The following NDUFAF6 variants were observed in gnomAD, a reference collection of about 807,000 sequenced individuals.
NDUFAF6 encodes the protein NADH:ubiquinone oxidoreductase complex assembly factor 6, also known as NADH dehydrogenase (ubiquinone) complex I, assembly factor 6.
In NDUFAF6, 45 loss-of-function variants were observed where a neutral mutation model predicts 40.8. The observed-to-expected ratio is 1.10, with a 90% CI of 0.87 to 1.42. The LOEUF is 1.42. NDUFAF6 is among the 40% of genes most tolerant of loss of function. NDUFAF6 has a pLI of 0.00. For missense variants in NDUFAF6, 435 were observed against 418.5 expected, an observed-to-expected ratio of 1.04 and a Z score of -0.34; for synonymous variants, 185 against 155.9, an observed-to-expected ratio of 1.19 and a Z score of -1.39.
chr8:94,977,644 G>A (rs1428981692), intron 1 of NDUFAF6, among the ~76,000 whole-genome samples: 4 of 151,054 alleles, frequency 2.6e-5, no homozygotes, highest in Admixed American at 6.6e-5. Context: ...TTTTGCTTCC[G>A]CTTCTCCTGT....
At chr8:94,979,788 T>C (rs193199611) in intron 1 of NDUFAF6, among the ~76,000 whole-genome samples, 1 of 152,298 alleles carries the variant, frequency 6.6e-6, no homozygotes, top group East Asian at 1.9e-4. Context: ...AAACGAACTT[T>C]ATCCATAGAA....
At chr8:95,032,491 CAGT>C (rs1828972599) in intron 2 of NDUFAF6, among the ~76,000 whole-genome samples, 1 of 152,156 alleles carries the variant, frequency 6.6e-6, no homozygotes, top group South Asian at 2.1e-4. Flanking sequence ...GCTTTAATAT[CAGT>C]AGGGAATGAA....
chr8:95,053,373 T>TA (rs1481910287), intron 8 of NDUFAF6, among the ~76,000 whole-genome samples: 3 of 152,200 alleles, frequency 2.0e-5, no homozygotes, highest in Admixed American at 1.3e-4. Context: ...TGTATCACCC[T>TA]GTTTAGTGGT....
At chr8:95,053,612 C>CTTTTCTTTCT (rs1381452789) in intron 8 of NDUFAF6, among the ~76,000 whole-genome samples, 33 of 151,894 alleles carry the variant, frequency 2.2e-4, no homozygotes, top group African/African-American at 7.0e-4. Context: ...TCCCGTTTTA[C>CTTTTCTTTCT]TTTTCTTTCT....
intron 2 of NDUFAF6, among the ~76,000 whole-genome samples, chr8:95,009,009 C>T (rs1382297135): frequency 1.3e-5 from 2 of 151,756 alleles, no homozygotes; most frequent in Non-Finnish European, 2.9e-5. Flanking sequence ...CCAGCCTGAG[C>T]AATACAGAGA....
At chr8:94,955,211 G>C (rs147831674), upstream of NDUFAF6, among the ~76,000 whole-genome samples, 1 of 152,200 alleles carries the variant, frequency 6.6e-6, no homozygotes, top group African/African-American at 2.4e-5. Flanking sequence ...AGTTCATTTT[G>C]TGTTGCTATA....
chr8:94,970,497 A>C lies in NDUFAF6; in HGVS notation c.-198-10362A>C, dbSNP rs140930557. ...TCCCAGTGGCTCAGGAGGCTGAGGCAAGAGAATCTTTTGAATCTAGGAGTT... is the reference window on the plus strand; with the variant it reads ...TCCCAGTGGCTCAGGAGGCTGAGGCCAGAGAATCTTTTGAATCTAGGAGTT... On this transcript the variant is annotated intron_variant, in intron 1 of 9. Transcript: ENST00000396111. Among the ~76,000 whole-genome samples the C allele has an allele frequency of 3.6e-3, 543 of 152,244 alleles. 1 individual carries two copies. Among genetic ancestry groups the C allele is most frequent in the African/African-American group, 0.012 (490 of 41,538 alleles).
Position 95,006,812 on chromosome 8 carries a change from G to A in NDUFAF6, c.-83-25183G>A, listed in dbSNP as rs538631600. On this transcript the variant is annotated intron_variant, in intron 2 of 9. Coordinates refer to the NDUFAF6 transcript ENST00000396111. ...GGAGGTTGACTTGAGCCCAGGAGGC[G>A]GAGGAGGTTGCAATGAGCCGAGATC... 2.6e-3 allele frequency among the ~76,000 whole-genome samples: 395 copies of A among 152,092 alleles called. 4 individuals carry two copies. The highest frequency in any genetic ancestry group is 9.0e-3 in the African/African-American group (372 of 41,472).
intron 5 of NDUFAF6, 30 bp from the exon 6 acceptor site, chr8:95,046,964 A>G: frequency 6.2e-7 from 1 of 1,613,658 alleles, no homozygotes; most frequent in Non-Finnish European, 8.5e-7. Flanking sequence ...CTTAGAATAG[A>G]GCAGCCCTGT....
At chr8:94,992,525 A>G (rs571549476) in intron 2 of NDUFAF6, among the ~76,000 whole-genome samples, 1 of 152,312 alleles carries the variant, frequency 6.6e-6, no homozygotes, top group African/African-American at 2.4e-5. Flanking sequence ...AAGTTTACAT[A>G]TAGGTCTATA....
downstream of NDUFAF6, among the ~76,000 whole-genome samples, chr8:95,062,929 A>G (rs1372685297): frequency 1.3e-5 from 2 of 152,220 alleles, no homozygotes; most frequent in African/African-American, 4.8e-5. Context: ...TGTGAAGTAC[A>G]AACTGGATAT....
chr8:95,054,510 C>T (rs1276913203), intron 8 of NDUFAF6, among the ~76,000 whole-genome samples: 1 of 151,268 alleles, frequency 6.6e-6, no homozygotes, highest in Non-Finnish European at 1.5e-5. Context: ...TCTCGGCTCA[C>T]TGCAGCCTCT....
chr8:94,991,795 C>CT (rs1826203429), intron 2 of NDUFAF6, among the ~76,000 whole-genome samples: 3 of 111,090 alleles, frequency 2.7e-5, no homozygotes, highest in African/African-American at 7.1e-5. Flanking sequence ...CCTCATTCTT[C>CT]GCCCCCCCCC....
intron 3 of NDUFAF6, 144 bp from the exon 4 acceptor site, chr8:95,041,426 C>T: frequency 1.7e-6 from 1 of 598,906 alleles, no homozygotes. Context: ...TTCCCTGATA[C>T]TTCTTTAACA....
downstream of NDUFAF6, among the ~76,000 whole-genome samples, chr8:95,077,559 A>G (rs1808672094): frequency 6.6e-6 from 1 of 152,216 alleles, no homozygotes; most frequent in African/African-American, 2.4e-5. Flanking sequence ...AACAGCATGC[A>G]ATTTAAAACT....
intron 1 of NDUFAF6, among the ~76,000 whole-genome samples, chr8:94,967,940 C>CAAA (rs56332377): frequency 7.4e-6 from 1 of 134,810 alleles, no homozygotes; most frequent in Non-Finnish European, 1.6e-5. Flanking sequence ...GACTCTGTCT[C>CAAA]AAAAAAAAAA....
chr8:94,941,131 A>G (rs1821488111), intron 1 of NDUFAF6: 1 of 578,106 alleles, frequency 1.7e-6, no homozygotes, highest in Non-Finnish European at 3.1e-6. Flanking sequence ...TCAAATCAGC[A>G]TGCACATATA....
intron 3 of NDUFAF6, among the ~76,000 whole-genome samples, chr8:95,036,715 A>C (rs576491272): frequency 3.3e-4 from 50 of 152,348 alleles, no homozygotes; most frequent in African/African-American, 1.1e-3. Context: ...CCTTTGATGC[A>C]AATTTATCTT....
chr8:95,105,058 CACACACACAGAGAGAGAGAGAG>C (rs1809783035), downstream of NDUFAF6, among the ~76,000 whole-genome samples: 2 of 62,338 alleles, frequency 3.2e-5, no homozygotes, highest in African/African-American at 6.3e-5. Flanking sequence ...CACACACACA[CACACACACAGAGAGAGAGAGAG>C]AGAGAGAGAG....
Sources: allele counts gnomAD v4.1 joint callset (sites outside exome capture counted in the v4.1 genomes callset), GRCh38; gene constraint gnomAD v4.1.1; transcripts MANE v1.5; gene names NCBI Gene and HGNC (gene_info 2026-07-23, HGNC 2026-07-21).